BDH1: variants seen among roughly 807,000 people sequenced by gnomAD.
BDH1 encodes D-beta-hydroxybutyrate dehydrogenase, mitochondrial.
In BDH1, 30 loss-of-function variants were observed where a neutral mutation model predicts 33.1. The ratio of observed to expected loss-of-function variants is 0.91; its 90% CI spans 0.68 to 1.23. The LOEUF (loss-of-function observed/expected upper bound fraction) is 1.23. Ranked by LOEUF, BDH1 falls within the 50% of genes most tolerant of loss-of-function variation. The pLI is 0.00. For synonymous variants in BDH1, 190 were observed against 183.6 expected, an observed-to-expected ratio of 1.03 and a Z score of -0.28; for missense variants, 443 against 464.4, an observed-to-expected ratio of 0.95 and a Z score of 0.42.
intron 2 of BDH1, among the ~76,000 whole-genome samples, chr3:197,553,107 G>T (rs943159794): frequency 6.6e-6 from 1 of 151,850 alleles, no homozygotes; most frequent in African/African-American, 2.4e-5. Flanking sequence ...TAGTAGAGAC[G>T]GAGTTTCACC....
intron 1 of BDH1, among the ~76,000 whole-genome samples, chr3:197,567,185 T>A (rs752718783): frequency 6.6e-6 from 1 of 152,174 alleles, no homozygotes; most frequent in Non-Finnish European, 1.5e-5. Flanking sequence ...AGACACCAGA[T>A]GAAACCTGGG....
Position 197,514,699 on chromosome 3 carries a change from C to T in BDH1, c.410-283G>A, listed in dbSNP as rs551422265. 3.3e-5 allele frequency among the ~76,000 whole-genome samples: 5 copies of T among 152,268 alleles called. No individual in the cohort carries two copies. Among genetic ancestry groups the T allele is most frequent in the Admixed American group, 1.3e-4 (2 of 15,290 alleles). On this transcript the variant is annotated intron_variant, in intron 6 of 7. Transcript: ENST00000392379. The surrounding 1 kb of genome is among the most constrained non-coding windows in gnomAD (Gnocchi z 4.2). ...TCATGACCCAGCCTGCCGTGTCCCC[C>T]GGCCTTCAGTCTCACCTCACCTCAA...
At chr3:197,564,611 A>G (rs1717373139) in intron 1 of BDH1, among the ~76,000 whole-genome samples, 1 of 152,222 alleles carries the variant, frequency 6.6e-6, no homozygotes, top group Non-Finnish European at 1.5e-5. Flanking sequence ...AGGGCCAAAA[A>G]TTCAAGTCAT....
In BDH1 at chr3:197,516,059, C is replaced by T. The variant is rs1190078192; in HGVS notation, c.410-1643G>A. 6.6e-6 allele frequency among the ~76,000 whole-genome samples: 1 copy of T among 152,206 alleles called. No individual in the cohort carries two copies. Among genetic ancestry groups the T allele is most frequent in the African/African-American group, 2.4e-5 (1 of 41,442 alleles). On this transcript the variant is annotated intron_variant, in intron 6 of 7. Coordinates refer to ENST00000392379, the MANE Select transcript of BDH1 (RefSeq NM_203314.3). The surrounding 1 kb of genome is among the most constrained non-coding windows in gnomAD (Gnocchi z 4.2). ...CCCCAGTCTTCACTCTCCTCAGGCT[C>T]GCTACGATATGAGTACTGCCAGTAC...
upstream of BDH1, among the ~76,000 whole-genome samples, chr3:197,559,214 G>T (rs1269344331): frequency 1.3e-5 from 2 of 151,964 alleles, no homozygotes; most frequent in African/African-American, 4.8e-5. Context: ...TGGCCAGGGT[G>T]GTCTTGAACT....
At position 197,523,822 on chromosome 3, in the gene BDH1, TG is replaced by T. The variant is rs1713813983; in HGVS notation, c.268-1042del. Among the ~76,000 whole-genome samples the T allele has an allele frequency of 6.6e-6, 1 of 151,990 alleles. No homozygotes were observed. Among genetic ancestry groups the T allele is most frequent in the South Asian group, 2.1e-4 (1 of 4,820 alleles). On this transcript the variant is annotated intron_variant, in intron 5 of 7. Transcript: ENST00000392379. The surrounding 1 kb of genome is among the most constrained non-coding windows in gnomAD (Gnocchi z 4.5). ...GAGGACATTCACAAGAGGGGGCCGA[TG>T]GGGACGGGGCACTGTGGGAAGAGAT...
rs1244405923 is a variant in BDH1 at position 197,521,793 on chromosome 3, C to T, written c.409+847G>A. ...GACCCTTCCTGTTTCCCAACACCTA[C>T]CACCCTAGTTCCGGAGTCCAGAACC... is the stretch of plus-strand genomic sequence containing the variant. On this transcript the variant is annotated intron_variant, in intron 6 of 7. Coordinates refer to ENST00000392379, the MANE Select transcript of BDH1 (RefSeq NM_203314.3). This position sits in a 1 kb window ranked among gnomAD's most constrained non-coding sequence, Gnocchi z 4.9. Among the ~76,000 whole-genome samples, 1 of 152,336 alleles carries T rather than the reference C, an allele frequency of 6.6e-6. No individual in the cohort carries two copies. Among genetic ancestry groups the T allele is most frequent in the Non-Finnish European group, 1.5e-5 (1 of 68,030 alleles).
At chr3:197,532,340 C>T in intron 5 of BDH1, 72 bp downstream of exon 5, 1 of 1,348,872 alleles carries the variant, frequency 7.4e-7, no homozygotes, top group Non-Finnish European at 1.1e-6. Context: ...GTTAGGAAAG[C>T]ACTTTTTAAA....
Position 197,528,336 on chromosome 3 carries a change from G to A in BDH1, c.267+4076C>T, listed in dbSNP as rs1691389598. 1 of 151,920 alleles carries A rather than the reference G, an allele frequency of 6.6e-6. No homozygotes were observed. The highest frequency in any genetic ancestry group is 6.6e-5 in the Admixed American group (1 of 15,228). The allele number at this position is 151,920 out of a possible 1,614,324, so 9.4% of individuals were successfully genotyped here. On this transcript the variant is annotated intron_variant, in intron 5 of 7. Coordinates refer to ENST00000392379, the MANE Select transcript of BDH1 (RefSeq NM_203314.3). This position sits in a 1 kb window ranked among gnomAD's most constrained non-coding sequence, Gnocchi z 5.1. ...TGTGTGTGTGTGTGTGTGTGTGCAT[G>A]TGCTGAAATGACCCAGGAGAGAGCG...
intron 3 of BDH1, among the ~76,000 whole-genome samples, chr3:197,537,849 A>G (rs1715289494): frequency 6.6e-6 from 1 of 152,244 alleles, no homozygotes; most frequent in Non-Finnish European, 1.5e-5. Context: ...TATCCCTGGA[A>G]CAAACCCACT....
At chr3:197,564,730 G>T (rs1319622309) in intron 1 of BDH1, among the ~76,000 whole-genome samples, 2 of 152,114 alleles carry the variant, frequency 1.3e-5, no homozygotes, top group Admixed American at 6.5e-5. Flanking sequence ...GCACACTGAT[G>T]CAAGACCAGC....
At chr3:197,543,874 C>T (rs1387055278) in intron 3 of BDH1, among the ~76,000 whole-genome samples, 1 of 152,114 alleles carries the variant, frequency 6.6e-6, no homozygotes, top group Non-Finnish European at 1.5e-5. Context: ...GAATAACTCG[C>T]TCAGTGTGAA....
At chr3:197,527,610 G>A (rs191349770) in intron 5 of BDH1, among the ~76,000 whole-genome samples, 21 of 152,068 alleles carry the variant, frequency 1.4e-4, no homozygotes, top group Admixed American at 5.9e-4. Context: ...ATCTGCTCCC[G>A]TGCCCCTCAC....
chr3:197,513,658 T>C (rs997109653), intron 7 of BDH1, among the ~76,000 whole-genome samples: 1 of 152,248 alleles, frequency 6.6e-6, no homozygotes, highest in African/African-American at 2.4e-5. Flanking sequence ...CTGCAGTCTG[T>C]GTTCATGCTT....
chr3:197,538,234 A>G (rs1715315088), intron 3 of BDH1: 2 of 456,398 alleles, frequency 4.4e-6, no homozygotes, highest in Admixed American at 2.3e-5. Flanking sequence ...TTAACCCAGT[A>G]ATGACAAATG....
chr3:197,529,704 T>C (rs1330031372), intron 5 of BDH1: 1 of 152,228 alleles, frequency 6.6e-6, no homozygotes, highest in Non-Finnish European at 1.5e-5. Flanking sequence ...AAACAAAACC[T>C]TCTCTGATCC....
At chr3:197,563,083 G>A (rs1239379572) in intron 1 of BDH1, among the ~76,000 whole-genome samples, 1 of 152,110 alleles carries the variant, frequency 6.6e-6, no homozygotes, top group Non-Finnish European at 1.5e-5. Flanking sequence ...TTTATCTCAT[G>A]GCTAAAGTAC....
intron 2 of BDH1, among the ~76,000 whole-genome samples, chr3:197,553,086 T>G (rs1455789716): frequency 1.3e-5 from 2 of 152,018 alleles, no homozygotes; most frequent in African/African-American, 4.8e-5. Flanking sequence ...CCTGGCTAAT[T>G]TTTGTATTTT....
upstream of BDH1, among the ~76,000 whole-genome samples, chr3:197,556,603 G>C (rs564728158): frequency 1.6e-4 from 25 of 152,362 alleles, no homozygotes; most frequent in Admixed American, 3.9e-4. Context: ...AGGAGGCGGA[G>C]GTTCCAGTGA....
Sources: allele counts gnomAD v4.1 joint callset (sites outside exome capture counted in the v4.1 genomes callset), GRCh38; gene constraint gnomAD v4.1.1; non-coding constraint Gnocchi (gnomAD v3.1); transcripts MANE v1.5; gene names NCBI Gene and HGNC (gene_info 2026-07-23, HGNC 2026-07-21).